The following CAPN10 variants were observed in gnomAD, a reference collection of about 807,000 sequenced individuals.
CAPN10 encodes calpain 10.
A neutral mutation model predicts 78.4 loss-of-function variants in CAPN10; 71 were observed. The observed-to-expected ratio is 0.91, with a 90% CI of 0.75 to 1.10. The LOEUF is 1.10. Among genes scored for constraint, CAPN10 ranks in the 50% least tolerant of loss-of-function variants. CAPN10 has a pLI of 0.00. For missense variants in CAPN10, 849 were observed against 924.6 expected (o/e 0.92, Z 1.06); for synonymous variants, 437 against 407.2 (o/e 1.07, Z -0.88).
chr2:240,598,214 G>A lies in CAPN10; in HGVS notation c.1943+127G>A, dbSNP rs77425399. Reference sequence around the variant, plus strand: ...GCCCCTATCTGTCCTGGCAGACCAGGGCTGTCCTGCCTACCTGGGGACCCT... The same window carrying A: ...GCCCCTATCTGTCCTGGCAGACCAGAGCTGTCCTGCCTACCTGGGGACCCT... On this transcript the variant is annotated intron_variant, in intron 10 of 11. Coordinates refer to ENST00000391984, the MANE Select transcript of CAPN10 (RefSeq NM_023083.4). The A allele has an allele frequency of 1.8e-3, 2,529 of 1,371,330 alleles. 37 individuals carry two copies. The African/African-American group carries it at 0.032, about 17-fold the overall frequency. The allele number at this position is 1,371,330 out of a possible 1,614,324, so 84.9% of individuals were successfully genotyped here. A position where few individuals can be genotyped will look rare whatever the true frequency, so the allele number is the denominator to read the frequency against.
Position 240,596,431 on chromosome 2 carries a change from G to C in CAPN10, c.1391G>C (p.Gly464Ala), listed in dbSNP as rs767517219. 3.7e-6 allele frequency: 6 copies of C among 1,613,628 alleles called. No homozygotes were observed. In the African/African-American group the frequency reaches 6.7e-5, roughly 18 times the overall value. ...EVHLRCELSP[G>A]YYLAVPSTFL... ...CACCTGCGTTGTGAGCTCTCACCGGGCTACTACCTGGCTGTCCCCAGCACC... is the reference window on the plus strand; with the variant it reads ...CACCTGCGTTGTGAGCTCTCACCGGCCTACTACCTGGCTGTCCCCAGCACC... The change falls in exon 8 of 12, where the codon GGC (glycine) becomes GCC (alanine). Residue 464 changes from glycine to alanine, a missense_variant. Transcript: ENST00000391984.
rs757264214 is a variant in CAPN10, at chr2:240,591,920, T to C, written c.471-13T>C. 6.8e-6 allele frequency: 11 copies of C among 1,608,524 alleles called. No homozygotes were observed. Among genetic ancestry groups the C allele is most frequent in the Non-Finnish European group, 9.3e-6 (11 of 1,176,970 alleles). On this transcript the variant is annotated splice_polypyrimidine_tract_variant and intron_variant, in intron 3 of 11. Coordinates refer to ENST00000391984, the MANE Select transcript of CAPN10 (RefSeq NM_023083.4). ...TGCCAGAGGCTCACTCCCATGGTGA[T>C]TGTGTCCCCTAGGGTCCATGGGTCC...
chr2:240,593,885 C>T (rs200150700), intron 4 of CAPN10, 21 bp from the exon 5 acceptor site: 1 of 1,576,436 alleles, frequency 6.3e-7, no homozygotes, highest in Non-Finnish European at 8.7e-7. Context: ...CCTGCCTGTG[C>T]CTGCGCCATT....
Position 240,598,036 on chromosome 2 carries a change from TGCCGGACACAGAGGGG to T in CAPN10, c.1896_1911del (p.Asp633SerfsTer3). 1 of 1,612,972 alleles carries T rather than the reference TGCCGGACACAGAGGGG, an allele frequency of 6.2e-7. No individual in the cohort carries two copies. ...TACAAGGTTGTGCCCTCCACCTACC[TGCCGGACACAGAGGGG>T]GCCTTCACAGTGACCATCGCAACCA... On this transcript the variant is annotated frameshift_variant, in exon 10 of 12. Transcript: ENST00000391984. LOFTEE classifies it high-confidence loss of function.
At chr2:240,595,879 G>C in intron 7 of CAPN10, 1 of 1,225,870 alleles carries the variant, frequency 8.2e-7, no homozygotes, top group South Asian at 1.3e-5. Flanking sequence ...TGTGGGTCGA[G>C]GATATGCCGG....
At chr2:240,594,398 G>T (rs2093122431) in intron 5 of CAPN10, 145 bp from the exon 6 acceptor site, 14 of 801,172 alleles carry the variant, frequency 1.7e-5, no homozygotes, top group Non-Finnish European at 2.6e-5. Context: ...CTTCGGGTGT[G>T]GGAGGGGCTG....
chr2:240,587,822 T>C (rs887909999), intron 1 of CAPN10, among the ~76,000 whole-genome samples: 1 of 152,196 alleles, frequency 6.6e-6, no homozygotes, highest in Admixed American at 6.5e-5. Flanking sequence ...AGATTGATTT[T>C]AGGTGCAGCT....
intron 11 of CAPN10, 117 bp from the exon 12 acceptor site, chr2:240,598,534 G>A (rs1444079325): frequency 1.2e-5 from 18 of 1,440,962 alleles, no homozygotes; most frequent in East Asian, 9.6e-5. Context: ...AGCCCCGGGC[G>A]GTGCCTTGAA....
At position 240,586,817 on chromosome 2, in the gene CAPN10, G is replaced by C. The variant is rs2093070636; in HGVS notation, c.-95G>C. On this transcript the variant is annotated 5_prime_UTR_variant, in exon 1 of 12. Transcript: ENST00000391984. ...GGGCTGGGCCGGGCGGGGAACGGGCGGGGCGGGCCGGAGGCGGCGGCGGCT... is the reference window on the plus strand; with the variant it reads ...GGGCTGGGCCGGGCGGGGAACGGGCCGGGCGGGCCGGAGGCGGCGGCGGCT... 1 of 1,212,106 alleles carries C rather than the reference G, an allele frequency of 8.3e-7. No individual in the cohort carries two copies. Among genetic ancestry groups the C allele is most frequent in the South Asian group, 2.5e-5 (1 of 40,618 alleles). The allele number at this position is 1,212,106 out of a possible 1,614,324, so 75.1% of individuals were successfully genotyped here. A position where few individuals can be genotyped will look rare whatever the true frequency, so the allele number is the denominator to read the frequency against.
chr2:240,587,225 C>T (rs1240702512), intron 1 of CAPN10, among the ~76,000 whole-genome samples, 173 bp downstream of exon 1: 2 of 152,256 alleles, frequency 1.3e-5, no homozygotes, highest in Non-Finnish European at 2.9e-5. Flanking sequence ...CATACCCCCG[C>T]CCAGAACGAG....
Position 240,596,851 on chromosome 2 carries a change from G to A in CAPN10, c.1652G>A (p.Gly551Asp). The change falls in exon 9 of 12, where the codon GGC becomes GAC. Residue 551 changes from glycine (G) to aspartate (D), a missense_variant. By Grantham distance (94) the Gly-to-Asp change is moderately conservative. Coordinates refer to ENST00000391984, the MANE Select transcript of CAPN10 (RefSeq NM_023083.4). ...TGCTTCCCCTTCTCGGTCCCCGAGGGCCCTGGCCCCCGCTGCGTCCGCATC... is the reference window on the plus strand; with the variant it reads ...TGCTTCCCCTTCTCGGTCCCCGAGGACCCTGGCCCCCGCTGCGTCCGCATC... ...NPCFPFSVPE[G>D]PGPRCVRITL... The A allele has an allele frequency of 6.2e-7, 1 of 1,613,564 alleles. No individual in the cohort carries two copies. The highest frequency in any genetic ancestry group is 8.5e-7 in the Non-Finnish European group (1 of 1,180,002).
rs918856681 is a variant in CAPN10 at position 240,591,915 on chromosome 2, G to A, written c.471-18G>A. On this transcript the variant is annotated intron_variant, in intron 3 of 11. Transcript: ENST00000391984. ...CTCAATGCCAGAGGCTCACTCCCAT[G>A]GTGATTGTGTCCCCTAGGGTCCATG... 1.2e-6 allele frequency: 2 copies of A among 1,607,094 alleles called. No individual in the cohort carries two copies. Among genetic ancestry groups the A allele is most frequent in the South Asian group, 1.1e-5 (1 of 90,090 alleles).
intron 5 of CAPN10, 37 bp downstream of exon 5, chr2:240,594,084 G>A (rs372733117): frequency 2.6e-6 from 4 of 1,534,206 alleles, no homozygotes; most frequent in Admixed American, 1.8e-5. Flanking sequence ...GCTGTCGGGA[G>A]GGGGGCCCAG....
At chr2:240,590,729 G>A in intron 2 of CAPN10, 86 bp from the exon 3 acceptor site, 1 of 1,271,010 alleles carries the variant, frequency 7.9e-7, no homozygotes, top group Non-Finnish European at 1.1e-6. Flanking sequence ...GCACTCAGCT[G>A]TGGCCACACC....
rs962400886 is a variant in CAPN10, at chr2:240,598,859, A to C, written c.*179A>C. 6.4e-6 allele frequency: 4 copies of C among 625,862 alleles called. No homozygotes were observed. Among genetic ancestry groups the C allele is most frequent in the Admixed American group, 5.7e-5 (2 of 34,880 alleles). 38.8% of individuals were successfully genotyped at this position (625,862 alleles called of 1,614,324 possible). On this transcript the variant is annotated 3_prime_UTR_variant, in exon 12 of 12. Transcript: ENST00000391984. ...GGGAAGCCTCCGTCAGGAGAGACGC[A>C]GCCCTGGGGGCCAGCTGGTGCTGCA... is the stretch of plus-strand genomic sequence containing the variant.
chr2:240,596,255 G>T (rs2093135736), intron 7 of CAPN10, 64 bp from the exon 8 acceptor site: 2 of 1,527,966 alleles, frequency 1.3e-6, no homozygotes, highest in East Asian at 4.6e-5. Flanking sequence ...CAGCAGGGAG[G>T]TCAAGGCCAG....
At position 240,599,037 on chromosome 2, in the gene CAPN10, A is replaced by G; in HGVS notation, c.*357A>G. 2.7e-6 allele frequency: 1 copy of G among 373,140 alleles called. No homozygotes were observed. Among genetic ancestry groups the G allele is most frequent in the Non-Finnish European group, 4.9e-6 (1 of 204,788 alleles). The allele number at this position is 373,140 out of a possible 1,614,324, so 23.1% of individuals were successfully genotyped here. On this transcript the variant is annotated 3_prime_UTR_variant, in exon 12 of 12. Transcript: ENST00000391984. ...GGTAGGGCAGCAGATCTTCTTTATAACTATTTATTGTTCGAATCACTTTTA... is the reference window on the plus strand; with the variant it reads ...GGTAGGGCAGCAGATCTTCTTTATAGCTATTTATTGTTCGAATCACTTTTA...
At chr2:240,588,164 C>G (rs2093079990) in intron 1 of CAPN10, among the ~76,000 whole-genome samples, 2 of 152,140 alleles carry the variant, frequency 1.3e-5, no homozygotes. Flanking sequence ...GGGACAGAGC[C>G]TGGGGGTGAC....
intron 2 of CAPN10, chr2:240,589,693 T>A: frequency 1.7e-6 from 1 of 592,266 alleles, no homozygotes; most frequent in East Asian, 3.0e-5. Flanking sequence ...GAAGGCTCCA[T>A]CAGGGAGGTT....
Sources: gnomAD v4.1 joint callset for allele counts (sites outside exome capture counted in the v4.1 genomes callset) on GRCh38, gnomAD v4.1.1 for gene constraint, MANE v1.5 for transcripts, NCBI Gene and HGNC (gene_info 2026-07-23, HGNC 2026-07-21) for gene names.